Variants in ONECUT2 observed in about 807,000 individuals in gnomAD.
ONECUT2 encodes one cut homeobox 2, also known as one cut domain family member 2.
Under a neutral mutation model 27.9 loss-of-function variants are expected in ONECUT2, and 10 were observed. The observed-to-expected ratio is 0.36, with a 90% CI of 0.22 to 0.61. The LOEUF (loss-of-function observed/expected upper bound fraction) is 0.61. Among genes scored for constraint, ONECUT2 ranks in the 20% least tolerant of loss-of-function variants. The pLI is 0.73. For synonymous variants in ONECUT2, 334 were observed against 315.1 expected, an observed-to-expected ratio of 1.06 and a Z score of -0.64; for missense variants, 686 against 721.0, an observed-to-expected ratio of 0.95 and a Z score of 0.56.
intron 1 of ONECUT2, among the ~76,000 whole-genome samples, chr18:57,468,498 G>A (rs1468991613): frequency 6.6e-6 from 1 of 152,142 alleles, no homozygotes; most frequent in African/African-American, 2.4e-5. Context: ...ATCTAACTGG[G>A]AACTATTTAT....
At chr18:57,437,089 T>C (rs2050146824) in intron 1 of ONECUT2, 145 bp downstream of exon 1, 4 of 1,403,328 alleles carry the variant, frequency 2.9e-6, no homozygotes, top group African/African-American at 2.9e-5. Flanking sequence ...TCGTTTTTAT[T>C]TCTTCTTCCA....
rs746484029 is a variant in ONECUT2 at position 57,436,334 on chromosome 18, C to T, written c.618C>T (p.Ala206=). ...TGCGCGACGAGCGCGGGCTCCCGGC[C>T]ATGAACAACCTCTACAGTCCCTACA... is the stretch of plus-strand genomic sequence containing the variant. ...TLMRDERGLP[A]MNNLYSPYKE... is the part of the protein sequence containing the mutation. Residue 206 remains alanine (A), a synonymous_variant, in exon 1 of 2, where the codon GCC becomes GCT. Coordinates refer to ENST00000491143, the MANE Select transcript of ONECUT2 (RefSeq NM_004852.3). This position sits in a 1 kb window ranked among gnomAD's most constrained non-coding sequence, Gnocchi z 5.9. 4 of 1,605,326 alleles carry T rather than the reference C, an allele frequency of 2.5e-6. No homozygotes were observed. In the South Asian group the frequency reaches 4.4e-5, roughly 18 times the overall value.
Position 57,477,791 on chromosome 18 carries a change from A to G in ONECUT2, c.*1068A>G, listed in dbSNP as rs944602400. The G allele has an allele frequency of 6.6e-6, 1 of 152,530 alleles. No homozygotes were observed. The highest frequency in any genetic ancestry group is 6.5e-5 in the Admixed American group (1 of 15,276). The allele number at this position is 152,530 out of a possible 1,614,324, so 9.4% of individuals were successfully genotyped here. On this transcript the variant is annotated 3_prime_UTR_variant, in exon 2 of 2. Transcript: ENST00000491143. The stretch of plus-strand genomic sequence containing the variant: ...CTACTGTGTGTTATGACCACCACGT[A>G]ATCCATTCTCGCTCTTTCTGATTTG...
intron 1 of ONECUT2, among the ~76,000 whole-genome samples, chr18:57,472,239 G>C (rs2050358045): frequency 1.3e-5 from 2 of 152,236 alleles, no homozygotes; most frequent in Admixed American, 1.3e-4. Context: ...GGACTATAGA[G>C]TGTAGTAATT....
rs1202454590 is a variant in ONECUT2, at chr18:57,486,619, AG to A, written c.*9897del. ...TAACTGTGATTTAAAAAAAGAAAAA[AG>A]AAAAAAAAGCTTTATACGTTTTAGG... On this transcript the variant is annotated 3_prime_UTR_variant, in exon 2 of 2. Coordinates refer to ENST00000491143, the MANE Select transcript of ONECUT2 (RefSeq NM_004852.3). 2 of 152,584 alleles carry A rather than the reference AG, an allele frequency of 1.3e-5. No homozygotes were observed. The highest frequency in any genetic ancestry group is 6.5e-5 in the Admixed American group (1 of 15,274). 9.5% of individuals were successfully genotyped at this position (152,584 alleles called of 1,614,324 possible).
intron 1 of ONECUT2, among the ~76,000 whole-genome samples, chr18:57,468,085 A>C (rs926879666): frequency 6.6e-6 from 1 of 152,244 alleles, no homozygotes; most frequent in African/African-American, 2.4e-5. Context: ...AGGCCTGTGC[A>C]TACATCCACA....
intron 1 of ONECUT2, among the ~76,000 whole-genome samples, chr18:57,445,165 G>C (rs2050194729): frequency 6.6e-6 from 1 of 152,148 alleles, no homozygotes; most frequent in African/African-American, 2.4e-5. Flanking sequence ...CAGTGATGTT[G>C]CCACAATTAT....
At chr18:57,467,515 G>A (rs2050329977) in intron 1 of ONECUT2, among the ~76,000 whole-genome samples, 1 of 145,028 alleles carries the variant, frequency 6.9e-6, no homozygotes, top group Non-Finnish European at 1.5e-5. Flanking sequence ...ACAGGCACAC[G>A]CCACCACACT....
At position 57,435,844 on chromosome 18, in the gene ONECUT2, G is replaced by T. The variant is rs2050136225; in HGVS notation, c.128G>T (p.Gly43Val). The change falls in exon 1 of 2, where the codon GGC (glycine) becomes GTC (valine). Residue 43 changes from glycine to valine, a missense_variant. Physicochemically the swap from Gly to Val is moderately radical, Grantham distance 109. Around this residue, in one of 4 missense-constraint regions of ONECUT2, gnomAD observed 511 missense variants for 488.1 expected, o/e 1.05. Transcript: ENST00000491143. Reference sequence around the variant, plus strand: ...CCGGCCGGCGGCGGCAGTGGCGGGGGCGGCGGCGGGGGCGGCGGGGGCGGC... The same window carrying T: ...CCGGCCGGCGGCGGCAGTGGCGGGGTCGGCGGCGGGGGCGGCGGGGGCGGC... ...HGPAGGGSGG[G>V]GGGGGGGGGG... 7.8e-6 allele frequency: 8 copies of T among 1,028,032 alleles called. No individual in the cohort carries two copies. The highest frequency in any genetic ancestry group is 9.4e-6 in the Non-Finnish European group (8 of 851,122). The allele number at this position is 1,028,032 out of a possible 1,614,324, so 63.7% of individuals were successfully genotyped here.
chr18:57,439,639 G>C (rs997623801), intron 1 of ONECUT2, among the ~76,000 whole-genome samples: 4 of 152,182 alleles, frequency 2.6e-5, no homozygotes, highest in African/African-American at 4.8e-5. Flanking sequence ...AAGAAAAGCG[G>C]AGGCTTTCTC....
In ONECUT2 at chr18:57,478,287, G is replaced by A. The variant is rs1040474545; in HGVS notation, c.*1564G>A. ...GGTCACAATGTGCATATTTACCAGT[G>A]AATGGCCCCGGGTGGGGCCACGTGG... On this transcript the variant is annotated 3_prime_UTR_variant, in exon 2 of 2. Transcript: ENST00000491143. 1.3e-5 allele frequency: 2 copies of A among 152,618 alleles called. No individual in the cohort carries two copies. The highest frequency in any genetic ancestry group is 1.5e-5 in the Non-Finnish European group (1 of 68,032). 9.5% of individuals were successfully genotyped at this position (152,618 alleles called of 1,614,324 possible).
Position 57,474,552 on chromosome 18 carries a change from G to A in ONECUT2, c.1229-1885G>A, listed in dbSNP as rs535341318. Among the ~76,000 whole-genome samples, 124 of 152,260 alleles carry A rather than the reference G, an allele frequency of 8.1e-4. 1 individual carries two copies. The highest frequency in any genetic ancestry group is 2.3e-3 in the South Asian group (11 of 4,822). On this transcript the variant is annotated intron_variant, in intron 1 of 1. Transcript: ENST00000491143. Reference sequence around the variant, plus strand: ...GAAGACTTTCTCACTGTGTCCTCCCGTGGTAGAAGGGGCAAGAGGTCTCTC... The same window carrying A: ...GAAGACTTTCTCACTGTGTCCTCCCATGGTAGAAGGGGCAAGAGGTCTCTC...
chr18:57,445,242 T>C (rs2050195017), intron 1 of ONECUT2, among the ~76,000 whole-genome samples: 1 of 152,206 alleles, frequency 6.6e-6, no homozygotes, highest in Admixed American at 6.5e-5. Flanking sequence ...GGACTCTGTA[T>C]ATGAGCATAA....
At chr18:57,456,694 C>A (rs1030251008) in intron 1 of ONECUT2, among the ~76,000 whole-genome samples, 1 of 152,068 alleles carries the variant, frequency 6.6e-6, no homozygotes, top group African/African-American at 2.4e-5. Flanking sequence ...CACTATGGAG[C>A]TATAACCTTA....
At chr18:57,449,642 G>T (rs1424061222) in intron 1 of ONECUT2, among the ~76,000 whole-genome samples, 1 of 152,166 alleles carries the variant, frequency 6.6e-6, no homozygotes, top group Non-Finnish European at 1.5e-5. Context: ...ATTGGCTCTA[G>T]TTACCCCAAA....
In ONECUT2 at chr18:57,481,795, G is replaced by A. The variant is rs1160551319; in HGVS notation, c.*5072G>A. The A allele has an allele frequency of 6.6e-6, 1 of 152,166 alleles. No individual in the cohort carries two copies. Among genetic ancestry groups the A allele is most frequent in the African/African-American group, 2.4e-5 (1 of 41,426 alleles). 9.4% of individuals were successfully genotyped at this position (152,166 alleles called of 1,614,324 possible). ...GAATAATGAACTCTATTAAAAAGTGGAGAAAAAGATAATACATGTGGTCAA... is the reference window on the plus strand; with the variant it reads ...GAATAATGAACTCTATTAAAAAGTGAAGAAAAAGATAATACATGTGGTCAA... On this transcript the variant is annotated 3_prime_UTR_variant, in exon 2 of 2. Transcript: ENST00000491143.
At position 57,487,146 on chromosome 18, in the gene ONECUT2, C is replaced by T. The variant is rs961234960; in HGVS notation, c.*10423C>T. The stretch of plus-strand genomic sequence containing the variant: ...ATTGGTTTTATTGGGAGATGTGTCA[C>T]CTCGAAAATACCCTTTACATCTGTT... On this transcript the variant is annotated 3_prime_UTR_variant, in exon 2 of 2. Transcript: ENST00000491143. 1.5e-4 allele frequency: 23 copies of T among 152,586 alleles called. No homozygotes were observed. Among genetic ancestry groups the T allele is most frequent in the Admixed American group, 1.5e-3 (23 of 15,272 alleles). The allele number at this position is 152,586 out of a possible 1,614,324, so 9.5% of individuals were successfully genotyped here.
chr18:57,475,633 T>A (rs1302084496), intron 1 of ONECUT2, among the ~76,000 whole-genome samples: 3 of 152,196 alleles, frequency 2.0e-5, no homozygotes, highest in African/African-American at 7.2e-5. Flanking sequence ...TGGCCTTGAC[T>A]GCATATGTCA....
At position 57,490,626 on chromosome 18, in the gene ONECUT2, T is replaced by C. The variant is rs1282147079; in HGVS notation, c.*13903T>C. On this transcript the variant is annotated 3_prime_UTR_variant, in exon 2 of 2. Coordinates refer to ENST00000491143, the MANE Select transcript of ONECUT2 (RefSeq NM_004852.3). ...CGTACTCTGCCACCTGCCTTCCAGG[T>C]AGCTATTCTAGAAACTCAGTCCTTT... 1 of 152,170 alleles carries C rather than the reference T, an allele frequency of 6.6e-6. No homozygotes were observed. The highest frequency in any genetic ancestry group is 6.5e-5 in the Admixed American group (1 of 15,278). 9.4% of individuals were successfully genotyped at this position (152,170 alleles called of 1,614,324 possible).
Sources: gnomAD v4.1 joint callset for allele counts (sites outside exome capture counted in the v4.1 genomes callset) on GRCh38, gnomAD v4.1.1 for gene constraint, gnomAD v4.1.1 regional missense constraint, Gnocchi (gnomAD v3.1) non-coding constraint, MANE v1.5 for transcripts, NCBI Gene and HGNC (gene_info 2026-07-23, HGNC 2026-07-21) for gene names.